Variants in SPRY3 observed in about 807,000 individuals in gnomAD.
SPRY3 encodes protein sprouty homolog 3.
Under a neutral mutation model 20.2 loss-of-function variants are expected in SPRY3, and 15 were observed. The observed-to-expected ratio is 0.74, with a 90% CI of 0.50 to 1.14. The LOEUF is 1.14. Among genes scored for constraint, SPRY3 ranks in the 50% most tolerant of loss-of-function variants. SPRY3 has a pLI of 0.00. For missense variants in SPRY3, 364 were observed against 363.9 expected, an observed-to-expected ratio of 1.00 and a Z score of 0.00; for synonymous variants, 143 against 136.5, an observed-to-expected ratio of 1.05 and a Z score of -0.33.
At chrX:155,708,629 G>T (rs2090967016) in intron 2 of SPRY3, among the ~76,000 whole-genome samples, 1 of 151,214 alleles carries the variant, frequency 6.6e-6, no homozygotes. Flanking sequence ...TACATAGCAG[G>T]TATATATATT....
chrX:155,673,887 C>G (rs1420752965), intron 2 of SPRY3, among the ~76,000 whole-genome samples: 2 of 111,792 alleles, frequency 1.8e-5, no homozygotes, highest in African/African-American at 6.5e-5. Context: ...TGCAGCCTCT[C>G]TATTTGTCTT....
chrX:155,696,212 AACACACACAC>A (rs201511557), intron 2 of SPRY3, among the ~76,000 whole-genome samples: 4 of 103,486 alleles, frequency 3.9e-5, no homozygotes, highest in Admixed American at 1.1e-4. Flanking sequence ...ATACACACAC[AACACACACAC>A]ACACACACAC....
At chrX:155,780,913 C>T (rs2091459245), downstream of SPRY3, 1 of 166,964 alleles carries the variant, frequency 6.0e-6, no homozygotes, top group Non-Finnish European at 1.5e-5. Flanking sequence ...GCTCTATAAT[C>T]AGTGTGTTTC....
chrX:155,661,460 A>G (rs2068009616), intron 2 of SPRY3, among the ~76,000 whole-genome samples: 1 of 110,544 alleles, frequency 9.0e-6, no homozygotes, highest in Non-Finnish European at 1.9e-5. Context: ...TGCTTTTAGT[A>G]TTTTTTCTTT....
intron 2 of SPRY3, among the ~76,000 whole-genome samples, chrX:155,685,355 T>C: frequency 9.0e-6 from 1 of 110,964 alleles, no homozygotes; most frequent in Non-Finnish European, 1.9e-5. Context: ...ATAATCTCTA[T>C]TTTTCCAGTA....
At chrX:155,698,407 C>A (rs753156689) in intron 2 of SPRY3, among the ~76,000 whole-genome samples, 7 of 111,741 alleles carry the variant, frequency 6.3e-5, no homozygotes, top group African/African-American at 2.3e-4. Flanking sequence ...CATTTCTCTG[C>A]ATCTCTTAGT....
intron 2 of SPRY3, among the ~76,000 whole-genome samples, chrX:155,666,704 T>C (rs1375509167): frequency 9.0e-6 from 1 of 111,327 alleles, no homozygotes; most frequent in Non-Finnish European, 1.9e-5. Context: ...ATGAGCTTAT[T>C]TTGGATTTAT....
At chrX:155,723,124 A>G (rs2091072570) in intron 2 of SPRY3, among the ~76,000 whole-genome samples, 1 of 152,090 alleles carries the variant, frequency 6.6e-6, no homozygotes, top group African/African-American at 2.4e-5. Flanking sequence ...ATCCTTTTTT[A>G]TGGCTGCATA....
At chrX:155,709,669 G>A in intron 2 of SPRY3, among the ~76,000 whole-genome samples, 1 of 151,712 alleles carries the variant, frequency 6.6e-6, no homozygotes, top group Admixed American at 6.6e-5. Context: ...TTAACTTGAT[G>A]TGATCCCAGT....
Position 155,717,701 on chromosome X carries a change from C to T in SPRY3, c.-281-50261C>T, listed in dbSNP as rs189620038. ...GTCAGTTTACTGAGAATGACGGCTTCCAGCTTCATCCATGTCCCTGGAAAG... is the reference window on the plus strand; with the variant it reads ...GTCAGTTTACTGAGAATGACGGCTTTCAGCTTCATCCATGTCCCTGGAAAG... On this transcript the variant is annotated intron_variant, in intron 2 of 3. Transcript: ENST00000675360. Among the ~76,000 whole-genome samples, 194 of 152,156 alleles carry T rather than the reference C, an allele frequency of 1.3e-3. No homozygotes were observed. In the East Asian group the frequency reaches 0.034, roughly 26 times the overall value.
intron 2 of SPRY3, among the ~76,000 whole-genome samples, chrX:155,753,209 C>T (rs1433730841): frequency 6.6e-6 from 1 of 151,944 alleles, no homozygotes. Flanking sequence ...ATAATGTTTT[C>T]ATCAACCCAA....
chrX:155,698,949 A>T (rs1179499405), intron 2 of SPRY3, among the ~76,000 whole-genome samples: 1 of 112,296 alleles, frequency 8.9e-6, no homozygotes, highest in African/African-American at 3.2e-5. Context: ...TATAACTAAC[A>T]TCATAATAAT....
At chrX:155,761,113 G>A (rs190443237) in intron 2 of SPRY3, among the ~76,000 whole-genome samples, 2 of 152,054 alleles carry the variant, frequency 1.3e-5, no homozygotes, top group African/African-American at 4.8e-5. Context: ...ACTGAGATTT[G>A]ACATTTTACC....
intron 2 of SPRY3, among the ~76,000 whole-genome samples, chrX:155,686,365 A>G (rs1398765778): frequency 2.7e-5 from 3 of 111,499 alleles, no homozygotes; most frequent in Non-Finnish European, 3.8e-5. Context: ...TAAGGCATTC[A>G]ATCTGATTTA....
chrX:155,767,436 G>C (rs1175072008), intron 2 of SPRY3, among the ~76,000 whole-genome samples: 2 of 151,954 alleles, frequency 1.3e-5, no homozygotes, highest in South Asian at 2.1e-4. Flanking sequence ...TCACACACTG[G>C]CGGTATCTAT....
Position 155,774,027 on chromosome X carries a change from T to C in SPRY3, c.156T>C (p.Asp52=), listed in dbSNP as rs1279394589. ...TTATTGTGCAAACCCACAAGTCTGA[T>C]TGGTCTCTGGCTACCATGCCTACTT... The change falls in exon 4 of 4, where the codon GAT becomes GAC. Residue 52 remains aspartate, a synonymous_variant. Coordinates refer to ENST00000675360, the Ensembl canonical transcript of SPRY3. 18 of 1,613,938 alleles carry C rather than the reference T, an allele frequency of 1.1e-5. No individual in the cohort carries two copies. In the Admixed American group the frequency reaches 1.3e-4, roughly 12 times the overall value.
intron 2 of SPRY3, among the ~76,000 whole-genome samples, chrX:155,729,037 T>C (rs1185190730): frequency 1.3e-5 from 2 of 152,078 alleles, no homozygotes; most frequent in African/African-American, 2.4e-5. Context: ...TTTAAATATA[T>C]ACACAGTCAA....
chrX:155,615,908 C>A (rs2124516308), intron 1 of SPRY3, among the ~76,000 whole-genome samples: 1 of 110,572 alleles, frequency 9.0e-6, no homozygotes, highest in South Asian at 3.9e-4. Flanking sequence ...CTACCTGAAA[C>A]TAACAAGCAA....
chrX:155,747,698 G>T (rs1177668563), intron 2 of SPRY3, among the ~76,000 whole-genome samples: 2 of 151,980 alleles, frequency 1.3e-5, no homozygotes, highest in African/African-American at 4.8e-5. Context: ...TGACTGCCTG[G>T]AAGGCAGCCA....
Sources: allele counts gnomAD v4.1 joint callset (sites outside exome capture counted in the v4.1 genomes callset), GRCh38; gene constraint gnomAD v4.1.1; transcripts MANE v1.5; gene names NCBI Gene and HGNC (gene_info 2026-07-23, HGNC 2026-07-21).